COL18A1: variants seen among roughly 807,000 people sequenced by gnomAD.
The protein encoded by COL18A1 is collagen type XVIII alpha 1 chain.
COL18A1 carries 133 observed loss-of-function variants against 168.0 expected under a neutral mutation model. The observed-to-expected ratio is 0.79, with a 90% CI of 0.69 to 0.91. COL18A1 has a LOEUF of 0.91. COL18A1 is among the 40% of genes least tolerant of loss of function. The pLI is 0.00. For synonymous variants in COL18A1, 949 were observed against 809.0 expected (o/e 1.17, Z -2.94); for missense variants, 2,126 against 1,925.4 (o/e 1.10, Z -1.95).
chr21:45,453,172 T>G (rs1290625846), intron 2 of COL18A1, among the ~76,000 whole-genome samples: 1 of 152,054 alleles, frequency 6.6e-6, no homozygotes, highest in East Asian at 1.9e-4. Flanking sequence ...CATGTATGTG[T>G]GTGTGATTGT....
chr21:45,413,508 C>T (rs746376623), intron 2 of COL18A1, among the ~76,000 whole-genome samples: 1 of 152,256 alleles, frequency 6.6e-6, no homozygotes, highest in Non-Finnish European at 1.5e-5. Context: ...CCTCTTTTGC[C>T]CCAGCGAGGA....
rs2037679943 is a variant in COL18A1, at chr21:45,512,657, G to C, written c.*259G>C. 3.6e-6 allele frequency: 2 copies of C among 556,900 alleles called. No homozygotes were observed. Among genetic ancestry groups the C allele is most frequent in the East Asian group, 3.1e-5 (1 of 32,230 alleles). The allele number at this position is 556,900 out of a possible 1,614,324, so 34.5% of individuals were successfully genotyped here. ...CCTGTGAGCCCAGCTGGGTCAGGCA[G>C]GGTGCAGTATCATGCCCTGTGCAAC... On this transcript the variant is annotated 3_prime_UTR_variant, in exon 42 of 42. Coordinates refer to ENST00000651438, the MANE Select transcript of COL18A1 (RefSeq NM_001379500.1).
chr21:45,424,100 G>A (rs1399971192), intron 2 of COL18A1: 4 of 152,328 alleles, frequency 2.6e-5, no homozygotes, highest in African/African-American at 7.2e-5. Flanking sequence ...TGGTGCTGGG[G>A]GGAGGGTAGG....
At chr21:45,480,978 A>T (rs2035871788) in intron 13 of COL18A1, 120 bp downstream of exon 13, 2 of 1,404,188 alleles carry the variant, frequency 1.4e-6, no homozygotes, top group African/African-American at 1.4e-5. Context: ...TCCTCACCTC[A>T]TCTCCTCTAG....
chr21:45,469,405 G>A (rs1227628998), intron 3 of COL18A1, among the ~76,000 whole-genome samples: 7 of 152,346 alleles, frequency 4.6e-5, no homozygotes, highest in African/African-American at 7.2e-5. Flanking sequence ...GGCTCAGGGC[G>A]GCCCTGCAGG....
At chr21:45,430,735 G>T (rs1274484433) in intron 2 of COL18A1, among the ~76,000 whole-genome samples, 1 of 151,640 alleles carries the variant, frequency 6.6e-6, no homozygotes, top group Admixed American at 6.5e-5. Flanking sequence ...TGCACTGCAA[G>T]GGAGCGTCAG....
Position 45,510,276 on chromosome 21 carries a change from T to G in COL18A1, c.3693+15T>G. 6.3e-7 allele frequency: 1 copy of G among 1,591,154 alleles called. No homozygotes were observed. Among genetic ancestry groups the G allele is most frequent in the Non-Finnish European group, 8.5e-7 (1 of 1,169,720 alleles). ...TCAACCTCAAGGTGGGTCAGTCCAG[T>G]CCTGAGGGCGCGGGCTCCTCGGCCC... On this transcript the variant is annotated intron_variant, in intron 40 of 41. Transcript: ENST00000651438.
chr21:45,477,839 C>T lies in COL18A1; in HGVS notation c.1095C>T (p.Pro365=). 2.6e-6 allele frequency: 4 copies of T among 1,552,990 alleles called. No individual in the cohort carries two copies. The highest frequency in any genetic ancestry group is 2.0e-5 in the Admixed American group (1 of 51,260). The change falls in exon 8 of 42, where the codon CCC becomes CCT. Residue 365 remains proline, a synonymous_variant. Transcript: ENST00000651438. The part of the protein sequence containing the change: ...GPPGSPCLPG[P]PGLPCPVSPL... ...CAGGATCCCCATGCCTACCTGGTCC[C>T]CCGGGTCTCCCGTGCCCAGTGAGTC...
chr21:45,480,306 A>G, intron 11 of COL18A1, 150 bp downstream of exon 11: 2 of 1,360,070 alleles, frequency 1.5e-6, no homozygotes, highest in Admixed American at 2.0e-5. Flanking sequence ...GGGAGCCCCC[A>G]TCCACCTGCC....
intron 19 of COL18A1, among the ~76,000 whole-genome samples, chr21:45,489,807 C>T (rs927764376): frequency 1.5e-4 from 23 of 150,292 alleles, no homozygotes; most frequent in African/African-American, 2.5e-4. Flanking sequence ...ACCGGCCTCC[C>T]GCCTCTCCCT....
At chr21:45,487,935 A>G (rs2036173736) in intron 17 of COL18A1, among the ~76,000 whole-genome samples, 1 of 152,254 alleles carries the variant, frequency 6.6e-6, no homozygotes. Flanking sequence ...GCTCAGGGTT[A>G]GAGCCAGCAA....
At chr21:45,405,519 C>T (rs1290318508) in intron 2 of COL18A1, 46 bp downstream of exon 2, 2 of 1,185,326 alleles carry the variant, frequency 1.7e-6, no homozygotes, top group Non-Finnish European at 2.1e-6. Context: ...TGCCCGCCGG[C>T]CTCGCCGCCC....
At position 45,486,906 on chromosome 21, in the gene COL18A1, G is replaced by A. The variant is rs1053583385; in HGVS notation, c.1747G>A (p.Gly583Ser). The change falls in exon 16 of 42, where the codon GGC (glycine) becomes AGC (serine). Residue 583 changes from glycine to serine, a missense_variant. Gly to Ser is a moderately conservative substitution (Grantham distance 56). Transcript: ENST00000651438. ...PGPAGARGESGLAGAPGPAGP... is the reference protein window; with the variant it reads ...PGPAGARGESSLAGAPGPAGP... ...TCCTGCTGGTGCTCGTGGGGAGAGC[G>A]GCCTGGCAGGAGCCCCCGGACCTGC... 15 of 1,523,056 alleles carry A rather than the reference G, an allele frequency of 9.8e-6. No individual in the cohort carries two copies. Among genetic ancestry groups the A allele is most frequent in the Admixed American group, 4.1e-5 (2 of 48,472 alleles). 94.3% of individuals were successfully genotyped at this position (1,523,056 alleles called of 1,614,324 possible).
intron 2 of COL18A1, among the ~76,000 whole-genome samples, chr21:45,437,787 CACACACAG>C (rs1413929773): frequency 1.4e-5 from 1 of 71,606 alleles, no homozygotes; most frequent in Non-Finnish European, 2.4e-5. Context: ...CACACTCACT[CACACACAG>C]ACACACAGGC....
At chr21:45,486,819 G>T in intron 15 of COL18A1, 42 bp from the exon 16 acceptor site, 1 of 1,525,436 alleles carries the variant, frequency 6.6e-7, no homozygotes. Context: ...GGGCCAGCGG[G>T]GGCTGGGCTG....
At chr21:45,440,832 GC>G (rs1003052201) in intron 2 of COL18A1, among the ~76,000 whole-genome samples, 3 of 152,170 alleles carry the variant, frequency 2.0e-5, no homozygotes, top group Non-Finnish European at 2.9e-5. Flanking sequence ...CTAGGAACTG[GC>G]CCCTGGCCAT....
At chr21:45,480,012 C>G (rs1393048859) in intron 10 of COL18A1, 48 bp downstream of exon 10, 2 of 1,613,378 alleles carry the variant, frequency 1.2e-6, no homozygotes, top group East Asian at 4.5e-5. Flanking sequence ...TGGCCCTTGG[C>G]TCAAGGTGGG....
chr21:45,421,053 C>T (rs948888287), intron 2 of COL18A1: 9 of 204,108 alleles, frequency 4.4e-5, no homozygotes, highest in African/African-American at 2.1e-4. Context: ...ACTCTGGCCA[C>T]CCCCACCCCA....
intron 2 of COL18A1, among the ~76,000 whole-genome samples, chr21:45,450,166 A>G (rs1343913665): frequency 6.6e-6 from 1 of 152,086 alleles, no homozygotes; most frequent in Non-Finnish European, 1.5e-5. Flanking sequence ...CTGTCCTTGG[A>G]CAGTCTCTGG....
Sources: gnomAD v4.1 joint callset for allele counts (sites outside exome capture counted in the v4.1 genomes callset) on GRCh38, gnomAD v4.1.1 for gene constraint, MANE v1.5 for transcripts, NCBI Gene and HGNC (gene_info 2026-07-23, HGNC 2026-07-21) for gene names.